The following EXOSC1 variants were observed in gnomAD, a reference collection of about 807,000 sequenced individuals.
EXOSC1 encodes the protein exosome complex component CSL4.
Under a neutral mutation model 31.4 loss-of-function variants are expected in EXOSC1, and 27 were observed. The ratio of observed to expected loss-of-function variants is 0.86; its 90% CI spans 0.63 to 1.18. EXOSC1 has a LOEUF of 1.18. Ranked by LOEUF, EXOSC1 falls within the 50% of genes most tolerant of loss-of-function variation. The pLI is 0.00. For missense variants in EXOSC1, 228 were observed against 250.3 expected (o/e 0.91, Z 0.60); for synonymous variants, 84 against 89.5 (o/e 0.94, Z 0.35).
At chr10:97,441,331 G>A in intron 3 of EXOSC1, 72 bp from the exon 4 acceptor site, 1 of 1,256,378 alleles carries the variant, frequency 8.0e-7, no homozygotes, top group East Asian at 2.3e-5. Context: ...AATAAACTGG[G>A]GATTACTAGG....
At chr10:97,439,569 G>A (rs897846745) in intron 4 of EXOSC1, among the ~76,000 whole-genome samples, 1 of 152,174 alleles carries the variant, frequency 6.6e-6, no homozygotes, top group Admixed American at 6.5e-5. Context: ...GAATTGCAGG[G>A]AAACAAACTC....
chr10:97,443,065 T>C lies in EXOSC1; in HGVS notation c.222+172A>G, dbSNP rs562879882. ...GGTCTTGAACTCTGGGCTGAAGCAA[T>C]CCTCCTGCCTCGGCCTCTTAAAGTG... On this transcript the variant is annotated intron_variant, in intron 3 of 7. Transcript: ENST00000370902. Among the ~76,000 whole-genome samples the C allele has an allele frequency of 4.6e-5, 7 of 152,284 alleles. No individual in the cohort carries two copies. In the East Asian group the frequency reaches 1.3e-3, roughly 29 times the overall value.
At chr10:97,444,818 T>C (rs1312400513) in intron 2 of EXOSC1, 1 of 152,244 alleles carries the variant, frequency 6.6e-6, no homozygotes, top group Non-Finnish European at 1.5e-5. Context: ...CCTCTTTCTA[T>C]TGTGCTCCTT....
At position 97,443,302 on chromosome 10, in the gene EXOSC1, C is replaced by A. The variant is rs937835556; in HGVS notation, c.157G>T (p.Val53Leu). The A allele has an allele frequency of 1.2e-6, 2 of 1,614,036 alleles. No homozygotes were observed. Among genetic ancestry groups the A allele is most frequent in the African/African-American group, 1.3e-5 (1 of 75,044 alleles). ...KSSENGALPV[V>L]SVVRETESQL... ...GACTCTGTTTCTCTCACTACAGACACCACTGGAAGCTACAGAGGGAACAAC... is the reference window on the plus strand; with the variant it reads ...GACTCTGTTTCTCTCACTACAGACAACACTGGAAGCTACAGAGGGAACAAC... The change falls in exon 3 of 8, where the codon GTG becomes TTG. Residue 53 changes from valine (V) to leucine (L), a missense_variant. Transcript: ENST00000370902.
intron 2 of EXOSC1, 125 bp from the exon 3 acceptor site, chr10:97,443,436 T>C (rs1845778320): frequency 2.4e-6 from 2 of 817,566 alleles, no homozygotes; most frequent in Non-Finnish European, 4.0e-6. Context: ...GATTCATTTA[T>C]AGCCCAGAGC....
intron 3 of EXOSC1, among the ~76,000 whole-genome samples, chr10:97,441,941 C>T (rs1193300721): frequency 6.7e-6 from 1 of 149,110 alleles, no homozygotes; most frequent in African/African-American, 2.5e-5. Context: ...CTTTGGGAGG[C>T]TGAGGTGGGC....
At position 97,441,108 on chromosome 10, in the gene EXOSC1, T is replaced by A. The variant is rs530919567; in HGVS notation, c.311+63A>T. 4.6e-6 allele frequency: 6 copies of A among 1,291,832 alleles called. No homozygotes were observed. The African/African-American group carries it at 9.0e-5, about 19-fold the overall frequency. 80.0% of individuals were successfully genotyped at this position (1,291,832 alleles called of 1,614,324 possible). A position where few individuals can be genotyped will look rare whatever the true frequency, so the allele number is the denominator to read the frequency against. On this transcript the variant is annotated intron_variant, in intron 4 of 7. Coordinates refer to ENST00000370902, the MANE Select transcript of EXOSC1 (RefSeq NM_016046.5). ...TTGTAACTGTTGCTCAAAATTCTGG[T>A]GTCCTAGTCTATCCTAATCTTATTC...
rs1319616312 is a variant in EXOSC1, at chr10:97,437,293, G to C, written c.397-18C>G. ...AAGGAGATCTAGTCACATAACACCG[G>C]TGAAGGAAAATGAGGAGTTAGAAGT... On this transcript the variant is annotated intron_variant, in intron 6 of 7. Transcript: ENST00000370902. 6.2e-7 allele frequency: 1 copy of C among 1,601,176 alleles called. No individual in the cohort carries two copies.
upstream of EXOSC1, chr10:97,446,006 CA>C: frequency 6.2e-7 from 1 of 1,614,250 alleles, no homozygotes. Flanking sequence ...GTCCCAAAAC[CA>C]GGATGAAAAC....
chr10:97,437,156 G>C, intron 7 of EXOSC1, 35 bp downstream of exon 7: 1 of 1,572,240 alleles, frequency 6.4e-7, no homozygotes, highest in Non-Finnish European at 8.8e-7. Context: ...CATAGATCCA[G>C]GGAAAGTAAG....
rs201390574 is a variant in EXOSC1, at chr10:97,436,351, T to C, written c.*94A>G. ...TGGAAGATTTTTCTGGAAGTGGCTG[T>C]TGGCCGACGCCAGGTGTTTGAATAA... On this transcript the variant is annotated 3_prime_UTR_variant, in exon 8 of 8. Transcript: ENST00000370902. 2.6e-5 allele frequency: 23 copies of C among 899,374 alleles called. No individual in the cohort carries two copies. The South Asian group carries it at 3.1e-4, about 12-fold the overall frequency. 55.7% of individuals were successfully genotyped at this position (899,374 alleles called of 1,614,324 possible). A position where few individuals can be genotyped will look rare whatever the true frequency, so the allele number is the denominator to read the frequency against.
At chr10:97,438,303 G>A (rs959871287) in intron 5 of EXOSC1, among the ~76,000 whole-genome samples, 3 of 151,676 alleles carry the variant, frequency 2.0e-5, no homozygotes, top group African/African-American at 4.8e-5. Flanking sequence ...CTGCAGCCTT[G>A]GACTGCTGGA....
chr10:97,445,405 T>C lies in EXOSC1; in HGVS notation c.147+327A>G, dbSNP rs188361375. On this transcript the variant is annotated intron_variant, in intron 2 of 7. Coordinates refer to ENST00000370902, the MANE Select transcript of EXOSC1 (RefSeq NM_016046.5). ...GTCAGTGAGGTGGAGATAGTGGCGC[T>C]AGATAAAGTCGGAAAGGTAAGCAAC... is the stretch of plus-strand genomic sequence containing the variant. 216 of 304,344 alleles carry C rather than the reference T, an allele frequency of 7.1e-4. 1 individual carries two copies. The highest frequency in any genetic ancestry group is 4.0e-3 in the African/African-American group (189 of 47,184). The allele number at this position is 304,344 out of a possible 1,614,324, so 18.9% of individuals were successfully genotyped here.
intron 4 of EXOSC1, among the ~76,000 whole-genome samples, chr10:97,439,829 T>G (rs1002654808): frequency 6.6e-6 from 1 of 152,132 alleles, no homozygotes; most frequent in Non-Finnish European, 1.5e-5. Context: ...AAAGTTAGAT[T>G]ATCTGCCTGG....
intron 5 of EXOSC1, 24 bp downstream of exon 5, chr10:97,438,645 TA>T (rs753152967): frequency 4.1e-4 from 610 of 1,490,148 alleles, no homozygotes; most frequent in Admixed American, 8.4e-4. Context: ...GTAAAGCCAT[TA>T]AAAAAAAAGA....
intron 3 of EXOSC1, 118 bp downstream of exon 3, chr10:97,443,119 C>T (rs896338616): frequency 5.8e-6 from 5 of 854,974 alleles, no homozygotes; most frequent in Non-Finnish European, 9.3e-6. Context: ...GCCACTGTGC[C>T]CTGCCAGAAA....
At chr10:97,441,372 G>T in intron 3 of EXOSC1, 113 bp from the exon 4 acceptor site, 1 of 705,878 alleles carries the variant, frequency 1.4e-6, no homozygotes, top group Non-Finnish European at 2.3e-6. Flanking sequence ...ACTAAGTAGA[G>T]AATTTAAGAC....
intron 3 of EXOSC1, among the ~76,000 whole-genome samples, chr10:97,442,041 G>A (rs1845735978): frequency 6.6e-6 from 1 of 151,632 alleles, no homozygotes; most frequent in African/African-American, 2.4e-5. Context: ...GCCAGGCGTG[G>A]CAGCACATGC....
rs775701950 is a variant in EXOSC1, at chr10:97,445,981, G to A, written c.5C>T (p.Ala2Val). 3.1e-6 allele frequency: 5 copies of A among 1,614,196 alleles called. No homozygotes were observed. The highest frequency in any genetic ancestry group is 4.2e-6 in the Non-Finnish European group (5 of 1,180,032). The change falls in exon 1 of 8, where the codon GCG (alanine) becomes GTG (valine). Residue 2 changes from alanine (A) to valine (V), a missense_variant. Transcript: ENST00000370902. ...GGGGATGCAGTATCTCACAGGTGGC[G>A]CCATGATTGCCGCTGTCCCAAAACC... M[A>V]PPVRYCIPGE...
Sources: gnomAD v4.1 joint callset for allele counts (sites outside exome capture counted in the v4.1 genomes callset) on GRCh38, gnomAD v4.1.1 for gene constraint, MANE v1.5 for transcripts, NCBI Gene and HGNC (gene_info 2026-07-23, HGNC 2026-07-21) for gene names.